Variants in TCP11L1 observed in about 807,000 individuals in gnomAD.
TCP11L1 encodes T-complex protein 11-like protein 1.
Under a neutral mutation model 48.9 loss-of-function variants are expected in TCP11L1, and 28 were observed. That is an observed-to-expected ratio of 0.57 (90% CI 0.42 to 0.78). The LOEUF is 0.78. TCP11L1 is among the 30% of genes least tolerant of loss of function. The pLI, the probability that TCP11L1 is intolerant of heterozygous loss-of-function variation, is 0.00. For synonymous variants in TCP11L1, 204 were observed against 231.9 expected (o/e 0.88, Z 1.09); for missense variants, 505 against 613.4 (o/e 0.82, Z 1.87).
At chr11:33,042,044 T>A (rs1853848628) in intron 1 of TCP11L1, among the ~76,000 whole-genome samples, 1 of 152,248 alleles carries the variant, frequency 6.6e-6, no homozygotes. Flanking sequence ...AGAAACATTG[T>A]GTCTTCTCTC....
At position 33,054,746 on chromosome 11, in the gene TCP11L1, T is replaced by G. The variant is rs1395650169; in HGVS notation, c.296+21T>G. 8.1e-6 allele frequency: 13 copies of G among 1,608,778 alleles called. No homozygotes were observed. In the East Asian group the frequency reaches 2.7e-4, roughly 33 times the overall value. On this transcript the variant is annotated intron_variant, in intron 3 of 9. Coordinates refer to ENST00000334274, the MANE Select transcript of TCP11L1 (RefSeq NM_018393.4). ...AACAGGTAAGGTGGTTGCTAAATTA[T>G]CTTGCTTAGTAGAACACTGTCATTT...
At chr11:33,044,845 A>G (rs1242098154) in intron 2 of TCP11L1, among the ~76,000 whole-genome samples, 1 of 152,174 alleles carries the variant, frequency 6.6e-6, no homozygotes, top group Non-Finnish European at 1.5e-5. Flanking sequence ...TCTATCATGC[A>G]TTTGTCAGGC....
intron 4 of TCP11L1, 55 bp from the exon 5 acceptor site, chr11:33,057,864 A>T: frequency 7.0e-7 from 1 of 1,435,930 alleles, no homozygotes; most frequent in Non-Finnish European, 9.4e-7. Flanking sequence ...AATTACATAT[A>T]ATTAGAAATG....
At chr11:33,061,811 T>G in intron 7 of TCP11L1, 85 bp downstream of exon 7, 1 of 1,365,084 alleles carries the variant, frequency 7.3e-7, no homozygotes. Context: ...CCAGGCACGG[T>G]GGCTCACTCC....
At position 33,045,520 on chromosome 11, in the gene TCP11L1, A is replaced by G. The variant is rs929405298; in HGVS notation, c.163+1584A>G. On this transcript the variant is annotated intron_variant, in intron 2 of 9. Coordinates refer to ENST00000334274, the MANE Select transcript of TCP11L1 (RefSeq NM_018393.4). ...GACAGAGTGAGACAAGCCTCTCTCA[A>G]AAAAATAAAAATAAAAAAAATAAAG... 2.0e-5 allele frequency among the ~76,000 whole-genome samples: 3 copies of G among 152,210 alleles called. No homozygotes were observed. The East Asian group carries it at 5.8e-4, about 29-fold the overall frequency.
intron 7 of TCP11L1, among the ~76,000 whole-genome samples, chr11:33,062,574 C>G (rs1854498809): frequency 6.6e-6 from 1 of 152,176 alleles, no homozygotes; most frequent in Non-Finnish European, 1.5e-5. Context: ...AGTGCATCCA[C>G]ATTGTTGTGC....
At chr11:33,055,422 G>A (rs1464324051) in intron 3 of TCP11L1, among the ~76,000 whole-genome samples, 1 of 152,148 alleles carries the variant, frequency 6.6e-6, no homozygotes, top group African/African-American at 2.4e-5. Flanking sequence ...GGGAGGACTA[G>A]GGCTCTCCTT....
intron 9 of TCP11L1, among the ~76,000 whole-genome samples, chr11:33,070,531 C>A (rs1442632067): frequency 2.7e-5 from 4 of 150,930 alleles, no homozygotes; most frequent in Non-Finnish European, 5.9e-5. Flanking sequence ...ACTAAAAATG[C>A]GAAATTAGCC....
chr11:33,044,523 A>G (rs571323726), intron 2 of TCP11L1, among the ~76,000 whole-genome samples: 3 of 152,298 alleles, frequency 2.0e-5, no homozygotes, highest in Non-Finnish European at 4.4e-5. Context: ...AGCATTTTGA[A>G]GTGAGTCCAA....
At chr11:33,065,674 A>G (rs892650326) in intron 7 of TCP11L1, among the ~76,000 whole-genome samples, 156 bp from the exon 8 acceptor site, 2 of 152,194 alleles carry the variant, frequency 1.3e-5, no homozygotes, top group African/African-American at 4.8e-5. Flanking sequence ...TCTGAGATAG[A>G]GGGGTTATTT....
chr11:33,059,269 A>T (rs1854405612), intron 6 of TCP11L1, among the ~76,000 whole-genome samples, 174 bp downstream of exon 6: 1 of 152,244 alleles, frequency 6.6e-6, no homozygotes. Flanking sequence ...GTTGTTAAGC[A>T]TTGAAAAGAA....
At chr11:33,051,984 C>G (rs1854174163) in intron 2 of TCP11L1, among the ~76,000 whole-genome samples, 3 of 151,876 alleles carry the variant, frequency 2.0e-5, no homozygotes, top group African/African-American at 7.3e-5. Flanking sequence ...TTGTCAGTTT[C>G]AACAAAAAAG....
At chr11:33,060,089 G>C (rs61889261) in intron 6 of TCP11L1, among the ~76,000 whole-genome samples, 4,266 of 152,214 alleles carry the variant, frequency 0.028, 83 homozygotes, top group Non-Finnish European at 0.042. Context: ...AGAGTACTGG[G>C]AAGAGTTTTT....
chr11:33,047,297 T>G (rs12794247), intron 2 of TCP11L1, among the ~76,000 whole-genome samples: 62,244 of 151,776 alleles, frequency 0.41, 12,980 homozygotes, highest in African/African-American at 0.47. Context: ...GTAAAAAATT[T>G]ATTGGTACTG....
chr11:33,042,352 G>C (rs868687385), intron 1 of TCP11L1, among the ~76,000 whole-genome samples: 46 of 152,104 alleles, frequency 3.0e-4, no homozygotes, highest in African/African-American at 1.0e-3. Context: ...GGATGGTCTC[G>C]ATCTCTTGAC....
chr11:33,052,971 A>T (rs1454388554), intron 2 of TCP11L1, among the ~76,000 whole-genome samples: 1 of 150,782 alleles, frequency 6.6e-6, no homozygotes, highest in African/African-American at 2.5e-5. Flanking sequence ...CCTGTTGGTG[A>T]CAGAGTAAGA....
rs370518759 is a variant in TCP11L1 at position 33,041,142 on chromosome 11, A to T, written c.-25+1350A>T. On this transcript the variant is annotated intron_variant, in intron 1 of 9. Coordinates refer to ENST00000334274, the MANE Select transcript of TCP11L1 (RefSeq NM_018393.4). ...TGTCCTGGGAAGAGACAGGACTTGAACTCAATCTTAAGGATGGGGTTAGTT... is the reference window on the plus strand; with the variant it reads ...TGTCCTGGGAAGAGACAGGACTTGATCTCAATCTTAAGGATGGGGTTAGTT... 5.9e-5 allele frequency: 9 copies of T among 152,260 alleles called. No homozygotes were observed. In the East Asian group the frequency reaches 1.4e-3, roughly 23 times the overall value. 9.4% of individuals were successfully genotyped at this position (152,260 alleles called of 1,614,324 possible).
chr11:33,059,504 A>G (rs1056470230), intron 6 of TCP11L1, among the ~76,000 whole-genome samples: 1 of 152,154 alleles, frequency 6.6e-6, no homozygotes, highest in African/African-American at 2.4e-5. Flanking sequence ...TTTGTTCTGG[A>G]TGCATAAATC....
intron 1 of TCP11L1, among the ~76,000 whole-genome samples, chr11:33,042,247 C>T (rs1433704041): frequency 6.6e-6 from 1 of 152,198 alleles, no homozygotes; most frequent in African/African-American, 2.4e-5. Flanking sequence ...TCTCCTGCTT[C>T]AGCCTCCTGA....
Sources: allele counts gnomAD v4.1 joint callset (sites outside exome capture counted in the v4.1 genomes callset), GRCh38; gene constraint gnomAD v4.1.1; transcripts MANE v1.5; gene names NCBI Gene and HGNC (gene_info 2026-07-23, HGNC 2026-07-21).